FBXO32: variants seen among roughly 807,000 people sequenced by gnomAD.
FBXO32 encodes F-box only protein 32.
In FBXO32, 15 loss-of-function variants were observed where a neutral mutation model predicts 48.3. That is an observed-to-expected ratio of 0.31 (90% CI 0.21 to 0.48). The LOEUF is 0.48. Ranked by LOEUF, FBXO32 falls within the 20% of genes least tolerant of loss-of-function variation. FBXO32 has a pLI of 0.99. For missense variants in FBXO32, 309 were observed against 432.7 expected (o/e 0.71, Z 2.54); for synonymous variants, 154 against 165.9 (o/e 0.93, Z 0.55).
intron 8 of FBXO32, among the ~76,000 whole-genome samples, chr8:123,504,016 G>A (rs1404767547): frequency 6.6e-6 from 1 of 150,956 alleles, no homozygotes; most frequent in Non-Finnish European, 1.5e-5. Flanking sequence ...GGAGGTGGAG[G>A]TTGCAATGAG....
intron 4 of FBXO32, among the ~76,000 whole-genome samples, chr8:123,531,409 G>A (rs527872045): frequency 4.0e-4 from 61 of 152,350 alleles, no homozygotes; most frequent in African/African-American, 1.4e-3. Flanking sequence ...CCTCATCTGA[G>A]AATGCCTTGG....
chr8:123,527,557 T>A (rs1258355057), intron 4 of FBXO32, among the ~76,000 whole-genome samples: 3 of 152,136 alleles, frequency 2.0e-5, no homozygotes, highest in African/African-American at 4.8e-5. Flanking sequence ...GTACGACCAT[T>A]CTAAGGACCT....
chr8:123,529,918 C>T (rs1486086240), intron 4 of FBXO32, among the ~76,000 whole-genome samples: 2 of 152,122 alleles, frequency 1.3e-5, no homozygotes, highest in East Asian at 3.9e-4. Flanking sequence ...TGTAATAAGA[C>T]ATCAGATCTA....
chr8:123,515,392 C>T (rs1048982419), intron 4 of FBXO32, among the ~76,000 whole-genome samples: 10 of 151,596 alleles, frequency 6.6e-5, no homozygotes, highest in South Asian at 4.2e-4. Flanking sequence ...TGTGCCACTA[C>T]GCCTGGCTAA....
In FBXO32 at chr8:123,498,357, TAAG is replaced by T. The variant is rs771075682; in HGVS notation, c.*5013_*5015del. ...AGAAATAATGTAGCAGATGGAGTTT[TAAG>T]AAGTTCAGAGTTTTGGAGCAGCCAT... On this transcript the variant is annotated 3_prime_UTR_variant, in exon 9 of 9. Coordinates refer to ENST00000517956, the MANE Select transcript of FBXO32 (RefSeq NM_058229.4). 1 of 152,230 alleles carries T rather than the reference TAAG, an allele frequency of 6.6e-6. No homozygotes were observed. The highest frequency in any genetic ancestry group is 1.9e-4 in the East Asian group (1 of 5,200). The allele number at this position is 152,230 out of a possible 1,614,324, so 9.4% of individuals were successfully genotyped here.
intron 8 of FBXO32, 135 bp downstream of exon 8, chr8:123,504,469 A>C: frequency 2.6e-6 from 1 of 387,110 alleles, no homozygotes; most frequent in Non-Finnish European, 4.4e-6. Context: ...GCACTGAATC[A>C]GTTTACCCTC....
chr8:123,529,957 G>A (rs1250536715), intron 4 of FBXO32, among the ~76,000 whole-genome samples: 1 of 152,130 alleles, frequency 6.6e-6, no homozygotes, highest in Non-Finnish European at 1.5e-5. Flanking sequence ...CTAGAAGATG[G>A]AAACTATTTG....
In FBXO32 at chr8:123,498,005, A is replaced by T. The variant is rs555883742; in HGVS notation, c.*5368T>A. 1 of 152,356 alleles carries T rather than the reference A, an allele frequency of 6.6e-6. No individual in the cohort carries two copies. Among genetic ancestry groups the T allele is most frequent in the South Asian group, 2.1e-4 (1 of 4,828 alleles). 9.4% of individuals were successfully genotyped at this position (152,356 alleles called of 1,614,324 possible). On this transcript the variant is annotated 3_prime_UTR_variant, in exon 9 of 9. Transcript: ENST00000517956. ...TTCATCATGCAAGAAAAGTGTGCAA[A>T]TAATTTATACAGAAGGACTCAGCTC...
intron 4 of FBXO32, 104 bp downstream of exon 4, chr8:123,531,794 G>A: frequency 7.2e-7 from 1 of 1,386,506 alleles, no homozygotes. Flanking sequence ...AAATTCTTAG[G>A]GTCCTAAAAA....
In FBXO32 at chr8:123,514,142, CAT is replaced by C. The variant is rs1020094671; in HGVS notation, c.466+96_466+97del. 6 of 797,652 alleles carry C rather than the reference CAT, an allele frequency of 7.5e-6. No individual in the cohort carries two copies. The African/African-American group carries it at 1.1e-4, about 14-fold the overall frequency. 49.4% of individuals were successfully genotyped at this position (797,652 alleles called of 1,614,324 possible). On this transcript the variant is annotated intron_variant, in intron 5 of 8. Coordinates refer to ENST00000517956, the MANE Select transcript of FBXO32 (RefSeq NM_058229.4). The stretch of plus-strand genomic sequence containing the variant: ...GGAGTTATTCATTTCCATCCATTCA[CAT>C]GTCTTTAAGTCTAATGACACGTCCA...
intron 3 of FBXO32, chr8:123,532,277 C>A: frequency 3.4e-6 from 3 of 894,294 alleles, no homozygotes; most frequent in Non-Finnish European, 4.3e-6. Context: ...ACATATTAGT[C>A]TGGAAAAATC....
chr8:123,504,258 G>A (rs1393570192), intron 8 of FBXO32, among the ~76,000 whole-genome samples: 4 of 151,992 alleles, frequency 2.6e-5, no homozygotes, highest in South Asian at 2.1e-4. Flanking sequence ...CTGAAACTAC[G>A]TACATCTATT....
chr8:123,524,768 G>A (rs957237515), intron 4 of FBXO32, among the ~76,000 whole-genome samples: 23 of 152,146 alleles, frequency 1.5e-4, no homozygotes, highest in Admixed American at 5.2e-4. Context: ...TCCGCCTGCC[G>A]TGGCCTCCCA....
In FBXO32 at chr8:123,539,167, ATCT is replaced by A. The variant is rs560248598; in HGVS notation, c.116+1729_116+1731del. Among the ~76,000 whole-genome samples, 4 of 152,186 alleles carry A rather than the reference ATCT, an allele frequency of 2.6e-5. No homozygotes were observed. In the South Asian group the frequency reaches 8.3e-4, roughly 32 times the overall value. On this transcript the variant is annotated intron_variant, in intron 1 of 8. Coordinates refer to ENST00000517956, the MANE Select transcript of FBXO32 (RefSeq NM_058229.4). ...GTATTAATACGACCCTACATTTTAAATCTTCTGCTGAACTCAATCATCTGTTCT... is the reference window on the plus strand; with the variant it reads ...GTATTAATACGACCCTACATTTTAAATCTGCTGAACTCAATCATCTGTTCT...
At chr8:123,520,311 G>A (rs1288106575) in intron 4 of FBXO32, among the ~76,000 whole-genome samples, 1 of 152,152 alleles carries the variant, frequency 6.6e-6, no homozygotes, top group African/African-American at 2.4e-5. Context: ...TGTTTAAAGA[G>A]AGGCAGGGGG....
chr8:123,515,381 A>AT (rs1586993029), intron 4 of FBXO32, among the ~76,000 whole-genome samples: 3 of 150,056 alleles, frequency 2.0e-5, no homozygotes, highest in East Asian at 2.0e-4. Context: ...GATTACAGGC[A>AT]TGTGCCACTA....
intron 6 of FBXO32, among the ~76,000 whole-genome samples, chr8:123,508,361 G>A (rs1816670898): frequency 6.6e-6 from 1 of 152,124 alleles, no homozygotes; most frequent in Non-Finnish European, 1.5e-5. Flanking sequence ...CAGTGGCAAG[G>A]GGCCTTGGGA....
intron 4 of FBXO32, among the ~76,000 whole-genome samples, chr8:123,521,970 C>T (rs188590632): frequency 3.7e-4 from 56 of 152,198 alleles, no homozygotes; most frequent in Admixed American, 3.6e-3. Context: ...GATAAAAAAC[C>T]TGGAAAGTTT....
rs574400914 is a variant in FBXO32 at position 123,533,100 on chromosome 8, C to T, written c.279+91G>A. ...CACATCCAAGAAGACTCTCATGATC[C>T]GAAGTAATTTCCCTCCCTACCATAT... is the stretch of plus-strand genomic sequence containing the variant. On this transcript the variant is annotated intron_variant, in intron 3 of 8. Transcript: ENST00000517956. 9.3e-5 allele frequency: 86 copies of T among 922,652 alleles called. No homozygotes were observed. The Admixed American group carries it at 1.3e-3, about 14-fold the overall frequency. The allele number at this position is 922,652 out of a possible 1,614,324, so 57.2% of individuals were successfully genotyped here. A position where few individuals can be genotyped will look rare whatever the true frequency, so the allele number is the denominator to read the frequency against.
Sources: gnomAD v4.1 joint callset for allele counts (sites outside exome capture counted in the v4.1 genomes callset) on GRCh38, gnomAD v4.1.1 for gene constraint, MANE v1.5 for transcripts, NCBI Gene and HGNC (gene_info 2026-07-23, HGNC 2026-07-21) for gene names.